Variants in ARHGEF19 observed in about 807,000 individuals in gnomAD.
ARHGEF19 encodes Rho guanine nucleotide exchange factor (GEF) 19.
Under a neutral mutation model 87.6 loss-of-function variants are expected in ARHGEF19, and 92 were observed. The observed-to-expected ratio is 1.05, with a 90% CI of 0.89 to 1.25. The LOEUF (loss-of-function observed/expected upper bound fraction) is 1.25, where lower values mean the gene tolerates loss of function less well. Among genes scored for constraint, ARHGEF19 ranks in the 50% most tolerant of loss-of-function variants. The pLI, the probability that ARHGEF19 is intolerant of heterozygous loss-of-function variation, is 0.00. For missense variants in ARHGEF19, 1,054 were observed against 1,051.8 expected, an observed-to-expected ratio of 1.00 and a Z score of -0.03; for synonymous variants, 438 against 446.2, an observed-to-expected ratio of 0.98 and a Z score of 0.23.
chr1:16,202,703 G>A (rs946313396), intron 12 of ARHGEF19, 129 bp from the exon 13 acceptor site: 3 of 1,231,016 alleles, frequency 2.4e-6, no homozygotes, highest in African/African-American at 3.0e-5. Context: ...GTTCTCACAG[G>A]GTCCTGCTTC....
rs1351559143 is a variant in ARHGEF19 at position 16,207,183 on chromosome 1, A to G, written c.902T>C (p.Val301Ala). The change falls in exon 6 of 16, where the codon GTG (valine) becomes GCG (alanine). Residue 301 changes from valine (V) to alanine (A), a missense_variant. Val to Ala is a moderately conservative substitution (Grantham distance 64). Coordinates refer to ENST00000270747, the MANE Select transcript of ARHGEF19 (RefSeq NM_153213.5). The surrounding 1 kb of genome is among the most constrained non-coding windows in gnomAD (Gnocchi z 4.0). ...NSVLYQEYSD[V>A]ASARELRRQQ... ...CCGCCGCAGTTCGCGGGCGCTGGCC[A>G]CGTCGCTGTATTCCTGATAGAGGAC... 2 of 1,531,094 alleles carry G rather than the reference A, an allele frequency of 1.3e-6. No individual in the cohort carries two copies. Among genetic ancestry groups the G allele is most frequent in the Non-Finnish European group, 1.7e-6 (2 of 1,143,092 alleles). The allele number at this position is 1,531,094 out of a possible 1,614,324, so 94.8% of individuals were successfully genotyped here.
At chr1:16,209,705 T>C (rs2081181222) in intron 1 of ARHGEF19, among the ~76,000 whole-genome samples, 1 of 152,196 alleles carries the variant, frequency 6.6e-6, no homozygotes, top group Non-Finnish European at 1.5e-5. Context: ...ACCCAAGATT[T>C]CTCACCCTCC....
In ARHGEF19 at chr1:16,209,179, T is replaced by A. The variant is rs570786105; in HGVS notation, c.-29-96A>T. On this transcript the variant is annotated intron_variant, in intron 1 of 15. Transcript: ENST00000270747. ...GCCTGGACAAACCCCTGTGTACACT[T>A]GTGTACACACATCTCCACAAACACA... 100 of 804,750 alleles carry A rather than the reference T, an allele frequency of 1.2e-4. No individual in the cohort carries two copies. In the South Asian group the frequency reaches 2.0e-3, roughly 16 times the overall value. 49.9% of individuals were successfully genotyped at this position (804,750 alleles called of 1,614,324 possible).
Position 16,207,290 on chromosome 1 carries a change from C to T in ARHGEF19, c.875-80G>A. On this transcript the variant is annotated intron_variant, in intron 5 of 15. Transcript: ENST00000270747. The surrounding 1 kb of genome is among the most constrained non-coding windows in gnomAD (Gnocchi z 4.0). Reference sequence around the variant, plus strand: ...CTTTTCCTCGGTTCCCTCAAGAGCCCGCGTCACTTAACCTTTGCCGCGGTT... The same window carrying T: ...CTTTTCCTCGGTTCCCTCAAGAGCCTGCGTCACTTAACCTTTGCCGCGGTT... 2.8e-6 allele frequency: 4 copies of T among 1,445,918 alleles called. No homozygotes were observed. The highest frequency in any genetic ancestry group is 3.6e-6 in the Non-Finnish European group (4 of 1,103,368). The allele number at this position is 1,445,918 out of a possible 1,614,324, so 89.6% of individuals were successfully genotyped here.
rs2081141819 is a variant in ARHGEF19, at chr1:16,206,866, C to A, written c.1137+82G>T. ...ACCCCCTTTGTGTGTCCCCCTCCCT[C>A]TATGGCCCGGTTCCCGCTAAGTCCC... On this transcript the variant is annotated intron_variant, in intron 6 of 15. Coordinates refer to ENST00000270747, the MANE Select transcript of ARHGEF19 (RefSeq NM_153213.5). This position sits in a 1 kb window ranked among gnomAD's most constrained non-coding sequence, Gnocchi z 4.6. 1 of 1,374,628 alleles carries A rather than the reference C, an allele frequency of 7.3e-7. No homozygotes were observed. The highest frequency in any genetic ancestry group is 1.5e-5 in the African/African-American group (1 of 65,266). The allele number at this position is 1,374,628 out of a possible 1,614,324, so 85.2% of individuals were successfully genotyped here. A position where few individuals can be genotyped will look rare whatever the true frequency, so the allele number is the denominator to read the frequency against.
chr1:16,206,936 G>A lies in ARHGEF19; in HGVS notation c.1137+12C>T. On this transcript the variant is annotated intron_variant, in intron 6 of 15. Coordinates refer to ENST00000270747, the MANE Select transcript of ARHGEF19 (RefSeq NM_153213.5). The surrounding 1 kb of genome is among the most constrained non-coding windows in gnomAD (Gnocchi z 4.6). ...CCCGCCCCCGCCCCGCCGGGTCCCC[G>A]CGCGCGCCCACCTCCTGCAGCTTGC... 2.4e-6 allele frequency: 3 copies of A among 1,227,078 alleles called. No individual in the cohort carries two copies. The highest frequency in any genetic ancestry group is 3.1e-6 in the Non-Finnish European group (3 of 972,964). The allele number at this position is 1,227,078 out of a possible 1,614,324, so 76.0% of individuals were successfully genotyped here. A position where few individuals can be genotyped will look rare whatever the true frequency, so the allele number is the denominator to read the frequency against.
In ARHGEF19 at chr1:16,206,798, C is replaced by T. The variant is rs906946445; in HGVS notation, c.1137+150G>A. On this transcript the variant is annotated intron_variant, in intron 6 of 15. Coordinates refer to ENST00000270747, the MANE Select transcript of ARHGEF19 (RefSeq NM_153213.5). This position sits in a 1 kb window ranked among gnomAD's most constrained non-coding sequence, Gnocchi z 4.6. The stretch of plus-strand genomic sequence containing the variant: ...TCGCTTCCAGACGGCCTCGTGTAGT[C>T]AGGTCCTAGAGCCAACCTTCCGCGC... 20 of 1,040,418 alleles carry T rather than the reference C, an allele frequency of 1.9e-5. No individual in the cohort carries two copies. The highest frequency in any genetic ancestry group is 2.6e-5 in the Non-Finnish European group (20 of 764,330). 64.4% of individuals were successfully genotyped at this position (1,040,418 alleles called of 1,614,324 possible). A position where few individuals can be genotyped will look rare whatever the true frequency, so the allele number is the denominator to read the frequency against.
At chr1:16,199,450 C>T (rs1557537293) in intron 14 of ARHGEF19, among the ~76,000 whole-genome samples, 196 bp from the exon 15 acceptor site, 1 of 152,090 alleles carries the variant, frequency 6.6e-6, no homozygotes, top group East Asian at 1.9e-4. Context: ...GGCCTATCTC[C>T]TCTCCTACCC....
intron 12 of ARHGEF19, among the ~76,000 whole-genome samples, chr1:16,203,906 G>A (rs529187149): frequency 6.6e-6 from 1 of 152,240 alleles, no homozygotes; most frequent in Non-Finnish European, 1.5e-5. Flanking sequence ...GCTTCTGTGA[G>A]CAGAAAACAA....
chr1:16,207,191 G>C lies in ARHGEF19; in HGVS notation c.894C>G (p.Tyr298Ter). Residue 298 changes from tyrosine (Y) to a stop codon, truncating the protein, a stop_gained, in exon 6 of 16, where the codon TAC (tyrosine) becomes TAG (stop). Coordinates refer to ENST00000270747, the MANE Select transcript of ARHGEF19 (RefSeq NM_153213.5). LOFTEE classifies it high-confidence loss of function. The surrounding 1 kb of genome is among the most constrained non-coding windows in gnomAD (Gnocchi z 4.0). Reference sequence around the variant, plus strand: ...GTTCGCGGGCGCTGGCCACGTCGCTGTATTCCTGATAGAGGACGGCTGGGG... The same window carrying C: ...GTTCGCGGGCGCTGGCCACGTCGCTCTATTCCTGATAGAGGACGGCTGGGG... ...FLLNSVLYQE[Y>*]SDVASARELR... 6.5e-7 allele frequency: 1 copy of C among 1,533,490 alleles called. No individual in the cohort carries two copies. Among genetic ancestry groups the C allele is most frequent in the Non-Finnish European group, 8.7e-7 (1 of 1,144,068 alleles). 95.0% of individuals were successfully genotyped at this position (1,533,490 alleles called of 1,614,324 possible). A position where few individuals can be genotyped will look rare whatever the true frequency, so the allele number is the denominator to read the frequency against.
At chr1:16,202,326 CCGCCA>C in intron 13 of ARHGEF19, 85 bp downstream of exon 13, 6 of 1,467,972 alleles carry the variant, frequency 4.1e-6, no homozygotes, top group East Asian at 2.5e-5. Flanking sequence ...CCAGGGGTGC[CCGCCA>C]TGGGGACGGG....
intron 14 of ARHGEF19, 47 bp from the exon 15 acceptor site, chr1:16,199,301 G>A: frequency 6.4e-7 from 1 of 1,570,688 alleles, no homozygotes; most frequent in East Asian, 2.2e-5. Context: ...CAGGATGGCA[G>A]GGGGAGGAGC....
At position 16,206,838 on chromosome 1, in the gene ARHGEF19, G is replaced by A; in HGVS notation, c.1137+110C>T. The A allele has an allele frequency of 7.7e-7, 1 of 1,301,690 alleles. No homozygotes were observed. The highest frequency in any genetic ancestry group is 9.9e-7 in the Non-Finnish European group (1 of 1,007,608). The allele number at this position is 1,301,690 out of a possible 1,614,324, so 80.6% of individuals were successfully genotyped here. ...ACCTTCCGCGCGGACAGTCGCGCCA[G>A]CAACCCCCTTTGTGTGTCCCCCTCC... On this transcript the variant is annotated intron_variant, in intron 6 of 15. Coordinates refer to ENST00000270747, the MANE Select transcript of ARHGEF19 (RefSeq NM_153213.5). The surrounding 1 kb of genome is among the most constrained non-coding windows in gnomAD (Gnocchi z 4.6).
chr1:16,201,383 C>T (rs1276827367), intron 14 of ARHGEF19, among the ~76,000 whole-genome samples: 1 of 152,236 alleles, frequency 6.6e-6, no homozygotes, highest in Non-Finnish European at 1.5e-5. Flanking sequence ...ACCCCCACCA[C>T]CCCTCATACC....
chr1:16,198,467 G>A lies in ARHGEF19; in HGVS notation c.*120C>T. On this transcript the variant is annotated 3_prime_UTR_variant, in exon 16 of 16. Coordinates refer to ENST00000270747, the MANE Select transcript of ARHGEF19 (RefSeq NM_153213.5). This position sits in a 1 kb window ranked among gnomAD's most constrained non-coding sequence, Gnocchi z 4.1. ...CCTGTGTCCAGCCTGTGCCCTCAAT[G>A]CCAAGGCCACAGAAGCGAAGTGCCA... The A allele has an allele frequency of 7.5e-7, 1 of 1,336,198 alleles. No homozygotes were observed. The highest frequency in any genetic ancestry group is 1.0e-6 in the Non-Finnish European group (1 of 993,724). The allele number at this position is 1,336,198 out of a possible 1,614,324, so 82.8% of individuals were successfully genotyped here.
Position 16,206,220 on chromosome 1 carries a change from G to A in ARHGEF19, c.1258C>T (p.Leu420=), listed in dbSNP as rs1332569731. The A allele has an allele frequency of 1.3e-6, 2 of 1,597,778 alleles. No individual in the cohort carries two copies. The highest frequency in any genetic ancestry group is 1.7e-6 in the Non-Finnish European group (2 of 1,171,622). ...TTGACCTCGGGCAGTTTGGAAAACA[G>A]CCACTGCTTGTCCTGCGCCCCCAGA... is the stretch of plus-strand genomic sequence containing the variant. ...ECLGAQDKQW[L]FSKLPEVKST... is the part of the protein sequence containing the mutation. The change falls in exon 7 of 16, where the codon CTG becomes TTG. Residue 420 remains leucine, a synonymous_variant. Transcript: ENST00000270747. The surrounding 1 kb of genome is among the most constrained non-coding windows in gnomAD (Gnocchi z 4.6).
chr1:16,199,316 G>T, intron 14 of ARHGEF19, 62 bp from the exon 15 acceptor site: 1 of 1,420,484 alleles, frequency 7.0e-7, no homozygotes, highest in Non-Finnish European at 9.9e-7. Context: ...AGGAGCATGG[G>T]TAGGGCAGGG....
chr1:16,206,901 T>C lies in ARHGEF19; in HGVS notation c.1137+47A>G. 1 of 1,406,726 alleles carries C rather than the reference T, an allele frequency of 7.1e-7. No individual in the cohort carries two copies. Among genetic ancestry groups the C allele is most frequent in the Non-Finnish European group, 9.2e-7 (1 of 1,090,180 alleles). The allele number at this position is 1,406,726 out of a possible 1,614,324, so 87.1% of individuals were successfully genotyped here. A position where few individuals can be genotyped will look rare whatever the true frequency, so the allele number is the denominator to read the frequency against. On this transcript the variant is annotated intron_variant, in intron 6 of 15. Coordinates refer to ENST00000270747, the MANE Select transcript of ARHGEF19 (RefSeq NM_153213.5). This position sits in a 1 kb window ranked among gnomAD's most constrained non-coding sequence, Gnocchi z 4.6. ...GTTCCCGCTAAGTCCCCGGACCGCG[T>C]ACTCCCCGGCCCGCCCCCGCCCCGC...
In ARHGEF19 at chr1:16,198,566, G is replaced by A; in HGVS notation, c.*21C>T. 3 of 1,590,830 alleles carry A rather than the reference G, an allele frequency of 1.9e-6. No individual in the cohort carries two copies. Among genetic ancestry groups the A allele is most frequent in the Non-Finnish European group, 2.6e-6 (3 of 1,167,384 alleles). On this transcript the variant is annotated 3_prime_UTR_variant, in exon 16 of 16. Coordinates refer to ENST00000270747, the MANE Select transcript of ARHGEF19 (RefSeq NM_153213.5). This position sits in a 1 kb window ranked among gnomAD's most constrained non-coding sequence, Gnocchi z 4.1. ...TCCAGGAGCCAGGCATGGAGGTGGG[G>A]TCCTAGGCCATGGCTGCCCATCACA...
Sources: gnomAD v4.1 joint callset for allele counts (sites outside exome capture counted in the v4.1 genomes callset) on GRCh38, gnomAD v4.1.1 for gene constraint, Gnocchi (gnomAD v3.1) non-coding constraint, MANE v1.5 for transcripts, NCBI Gene and HGNC (gene_info 2026-07-23, HGNC 2026-07-21) for gene names.